The following OSBP2 variants were observed in gnomAD, a reference collection of about 807,000 sequenced individuals.
The protein encoded by OSBP2 is oxysterol-binding protein 2.
OSBP2 carries 66 observed loss-of-function variants against 96.0 expected under a neutral mutation model. The ratio of observed to expected loss-of-function variants is 0.69; its 90% CI spans 0.56 to 0.84. OSBP2 has a LOEUF of 0.84. Ranked by LOEUF, OSBP2 falls within the 40% of genes least tolerant of loss-of-function variation. OSBP2 has a pLI of 0.00. For missense variants in OSBP2, 1,038 were observed against 1,222.7 expected (o/e 0.85, Z 2.25); for synonymous variants, 525 against 520.9 (o/e 1.01, Z -0.11).
intron 2 of OSBP2, among the ~76,000 whole-genome samples, chr22:30,859,026 C>T (rs1422316564): frequency 5.3e-5 from 8 of 152,090 alleles, no homozygotes; most frequent in Admixed American, 5.2e-4. Context: ...GCAGATGCAG[C>T]CCCTACCCCT....
chr22:30,789,878 G>C (rs2090647784), intron 2 of OSBP2, among the ~76,000 whole-genome samples: 1 of 152,056 alleles, frequency 6.6e-6, no homozygotes, highest in African/African-American at 2.4e-5. Context: ...TAAAAACTTT[G>C]TTCCCATTTT....
intron 2 of OSBP2, among the ~76,000 whole-genome samples, chr22:30,795,518 A>ATTTTTTTTTT (rs136288): frequency 2.5e-5 from 3 of 122,290 alleles, no homozygotes; most frequent in Non-Finnish European, 3.4e-5. Context: ...TATCCAATGC[A>ATTTTTTTTTT]TTTTTTTTTT....
chr22:30,897,649 G>A (rs1387049680), intron 12 of OSBP2, among the ~76,000 whole-genome samples: 1 of 152,170 alleles, frequency 6.6e-6, no homozygotes, highest in Non-Finnish European at 1.5e-5. Context: ...TGATATAAAA[G>A]ATATTTGGCC....
chr22:30,856,370 CTTCTTTTT>C (rs2039077493), intron 2 of OSBP2, among the ~76,000 whole-genome samples: 1 of 116,480 alleles, frequency 8.6e-6, no homozygotes, highest in African/African-American at 3.3e-5. Context: ...AAACAGAGCC[CTTCTTTTT>C]TTTTTTTTTT....
At chr22:30,865,129 G>A (rs1051226393) in intron 2 of OSBP2, among the ~76,000 whole-genome samples, 1 of 152,212 alleles carries the variant, frequency 6.6e-6, no homozygotes, top group East Asian at 1.9e-4. Context: ...TGCGCTAGAT[G>A]ATTCCATGGC....
intron 2 of OSBP2, among the ~76,000 whole-genome samples, chr22:30,782,642 G>A (rs767925783): frequency 6.6e-6 from 1 of 152,178 alleles, no homozygotes; most frequent in Non-Finnish European, 1.5e-5. Context: ...TTGTGTGGAC[G>A]CACCACAGTG....
chr22:30,758,387 C>G (rs545593655), intron 2 of OSBP2, among the ~76,000 whole-genome samples: 1 of 151,984 alleles, frequency 6.6e-6, no homozygotes, highest in Admixed American at 6.6e-5. Context: ...GGTGACAGAG[C>G]GAGACTCTGT....
At chr22:30,872,385 TG>T (rs1449150662) in intron 3 of OSBP2, 3 of 456,384 alleles carry the variant, frequency 6.6e-6, no homozygotes, top group Non-Finnish European at 1.3e-5. Flanking sequence ...TAAGCAGTTT[TG>T]GCTTTTCCGA....
At position 30,881,041 on chromosome 22, in the gene OSBP2, G is replaced by A. The variant is rs1000278642; in HGVS notation, c.1108-6385G>A. On this transcript the variant is annotated intron_variant, in intron 3 of 13. Coordinates refer to ENST00000332585, the MANE Select transcript of OSBP2 (RefSeq NM_030758.4). This position sits in a 1 kb window ranked among gnomAD's most constrained non-coding sequence, Gnocchi z 4.5. ...AGGGCGGAGACCCCCCTTGTCTGTC[G>A]AGCTTTGTGGTTCTCACTCTGCTTG... is the stretch of plus-strand genomic sequence containing the variant. 6.6e-6 allele frequency among the ~76,000 whole-genome samples: 1 copy of A among 152,086 alleles called. No individual in the cohort carries two copies. Among genetic ancestry groups the A allele is most frequent in the Non-Finnish European group, 1.5e-5 (1 of 68,000 alleles).
chr22:30,821,557 G>C (rs925456620), intron 2 of OSBP2, among the ~76,000 whole-genome samples: 1 of 152,102 alleles, frequency 6.6e-6, no homozygotes, highest in Non-Finnish European at 1.5e-5. Flanking sequence ...GAAGGGTGTG[G>C]TACAAATGGC....
rs1256725780 is a variant in OSBP2, at chr22:30,694,972, G to C, written c.63G>C (p.Ser21=). Residue 21 remains serine (S), a synonymous_variant, in exon 1 of 14, where the codon TCG becomes TCC. Transcript: ENST00000332585. ...GTGGCGGCCGCTCCCGCGGGCTCTC[G>C]TCGCTGTTCACGGTTGTCCCCTGCC... ...GGCGGRSRGL[S]SLFTVVPCLS... is the part of the protein sequence containing the mutation. The C allele has an allele frequency of 5.3e-6, 8 of 1,512,518 alleles. No homozygotes were observed. Among genetic ancestry groups the C allele is most frequent in the Non-Finnish European group, 7.0e-6 (8 of 1,138,868 alleles). The allele number at this position is 1,512,518 out of a possible 1,614,324, so 93.7% of individuals were successfully genotyped here.
Position 30,906,239 on chromosome 22 carries a change from G to A in OSBP2, c.2651G>A (p.Arg884Lys). 6.2e-7 allele frequency: 1 copy of A among 1,614,234 alleles called. No homozygotes were observed. The highest frequency in any genetic ancestry group is 8.5e-7 in the Non-Finnish European group (1 of 1,180,036). ...DAYTPLWFEK[R>K]LDPLTGEMAC... ...TACACGCCACTGTGGTTTGAGAAGA[G>A]GCTGGATCCGCTGACCGGGGAGATG... Residue 884 changes from arginine (R) to lysine (K), a missense_variant, in exon 14 of 14, where the codon AGG (arginine) becomes AAG (lysine). This residue lies in a region of OSBP2 where 737 missense variants were observed against 913.3 expected (regional missense o/e 0.81). Coordinates refer to ENST00000332585, the MANE Select transcript of OSBP2 (RefSeq NM_030758.4).
chr22:30,730,790 ATATATATATATATATATAAT>A (rs2089756985), intron 1 of OSBP2, among the ~76,000 whole-genome samples: 1 of 48,282 alleles, frequency 2.1e-5, no homozygotes, highest in African/African-American at 1.1e-4. Context: ...ATATATATAT[ATATATATATATATATATAAT>A]TTTTTTTTTT....
chr22:30,856,018 G>A (rs2039070012), intron 2 of OSBP2, among the ~76,000 whole-genome samples: 1 of 152,202 alleles, frequency 6.6e-6, no homozygotes. Flanking sequence ...GCTAGGCTCT[G>A]GGGACCTGGC....
chr22:30,730,772 CTCTATATATA>C (rs2089753082), intron 1 of OSBP2, among the ~76,000 whole-genome samples: 1 of 20,576 alleles, frequency 4.9e-5, no homozygotes. Flanking sequence ...CTCTCTCTCT[CTCTATATATA>C]TATATATATA....
intron 1 of OSBP2, among the ~76,000 whole-genome samples, chr22:30,700,591 A>G (rs1392886577): frequency 6.6e-6 from 1 of 152,160 alleles, no homozygotes; most frequent in East Asian, 1.9e-4. Context: ...GTTTTGTTGT[A>G]TACCAGTTGT....
intron 2 of OSBP2, among the ~76,000 whole-genome samples, chr22:30,846,441 G>A (rs1281425460): frequency 6.6e-6 from 1 of 152,060 alleles, no homozygotes; most frequent in African/African-American, 2.4e-5. Context: ...GTGAGCCACC[G>A]CACCCAGCCT....
chr22:30,825,519 G>A (rs1203007588), intron 2 of OSBP2, among the ~76,000 whole-genome samples: 1 of 152,202 alleles, frequency 6.6e-6, no homozygotes, highest in African/African-American at 2.4e-5. Context: ...ACAGAGACTG[G>A]TGGGCAACAA....
chr22:30,805,737 G>A (rs2090919892), intron 2 of OSBP2, among the ~76,000 whole-genome samples: 1 of 152,152 alleles, frequency 6.6e-6, no homozygotes, highest in South Asian at 2.1e-4. Flanking sequence ...TGCTGGAGGT[G>A]GTGTTCCCAA....
Sources: gnomAD v4.1 joint callset for allele counts (sites outside exome capture counted in the v4.1 genomes callset) on GRCh38, gnomAD v4.1.1 for gene constraint, gnomAD v4.1.1 regional missense constraint, Gnocchi (gnomAD v3.1) non-coding constraint, MANE v1.5 for transcripts, NCBI Gene and HGNC (gene_info 2026-07-23, HGNC 2026-07-21) for gene names.